Variants in XKR9 observed in about 807,000 individuals in gnomAD.
XKR9 encodes XK-related protein 9.
Under a neutral mutation model 32.0 loss-of-function variants are expected in XKR9, and 32 were observed. The ratio of observed to expected loss-of-function variants is 1.00; its 90% confidence interval spans 0.76 to 1.34. XKR9 has a LOEUF of 1.34. XKR9 is among the 40% of genes most tolerant of loss of function. The pLI, the probability that XKR9 is intolerant of heterozygous loss-of-function variation, is 0.00. For synonymous variants in XKR9, 168 were observed against 143.4 expected (o/e 1.17, Z -1.22); for missense variants, 546 against 429.7 (o/e 1.27, Z -2.39).
the XKR9 span, among the ~76,000 whole-genome samples, chr8:70,800,138 G>A: frequency 6.6e-6 from 1 of 152,092 alleles, no homozygotes; most frequent in African/African-American, 2.4e-5. Flanking sequence ...TCTGTCTTTA[G>A]TTCTGTTTAT....
the XKR9 span, among the ~76,000 whole-genome samples, chr8:70,813,103 C>A: frequency 6.6e-6 from 1 of 152,126 alleles, no homozygotes; most frequent in African/African-American, 2.4e-5. Flanking sequence ...AGATATAGAT[C>A]AATGGAACAG....
the XKR9 span, among the ~76,000 whole-genome samples, chr8:71,052,414 G>A: frequency 2.0e-5 from 3 of 152,082 alleles, no homozygotes; most frequent in Admixed American, 6.5e-5. Flanking sequence ...GTTTTCTGAG[G>A]AACTCTCCTC....
chr8:70,687,903 G>A (rs1471532970), intron 3 of XKR9, among the ~76,000 whole-genome samples: 1 of 152,036 alleles, frequency 6.6e-6, no homozygotes, highest in Non-Finnish European at 1.5e-5. Context: ...ATGTACACTT[G>A]AAACATATGT....
At chr8:70,872,598 A>C in the XKR9 span, among the ~76,000 whole-genome samples, 6 of 152,304 alleles carry the variant, frequency 3.9e-5, no homozygotes, top group South Asian at 1.2e-3. Context: ...ATAAAGGAGA[A>C]ATCAATGCCT....
the XKR9 span, among the ~76,000 whole-genome samples, chr8:71,022,943 G>T: frequency 1.4e-5 from 2 of 146,086 alleles, no homozygotes; most frequent in Non-Finnish European, 1.5e-5. Context: ...TTTCTGCTTT[G>T]TTTTTTTTTA....
chr8:70,808,933 C>G, the XKR9 span, among the ~76,000 whole-genome samples: 4 of 152,344 alleles, frequency 2.6e-5, no homozygotes, highest in South Asian at 8.3e-4. Flanking sequence ...TGTCTGACAG[C>G]TTTGAAGAGA....
intron 3 of XKR9, chr8:70,789,939 C>T (rs1342465079): frequency 6.6e-6 from 1 of 151,906 alleles, no homozygotes; most frequent in African/African-American, 2.4e-5. Flanking sequence ...TTGCATTCAC[C>T]ACCCCAATTT....
the XKR9 span, among the ~76,000 whole-genome samples, chr8:70,808,195 A>G: frequency 6.6e-6 from 1 of 152,214 alleles, no homozygotes; most frequent in East Asian, 1.9e-4. Context: ...TTAAGGCAAC[A>G]ATCAAGAAGT....
chr8:70,676,143 G>A (rs1349048083), intron 2 of XKR9, among the ~76,000 whole-genome samples: 1 of 152,172 alleles, frequency 6.6e-6, no homozygotes, highest in African/African-American at 2.4e-5. Flanking sequence ...AGGTGAAGAG[G>A]AAGCACGTGT....
chr8:70,925,523 A>G, the XKR9 span, among the ~76,000 whole-genome samples: 1 of 152,236 alleles, frequency 6.6e-6, no homozygotes. Context: ...TTACAAACAT[A>G]ACACTTTTAT....
intron 4 of XKR9, among the ~76,000 whole-genome samples, chr8:70,708,695 G>C (rs892541379): frequency 6.6e-6 from 1 of 152,026 alleles, no homozygotes; most frequent in Non-Finnish European, 1.5e-5. Flanking sequence ...CTGGGTGGAG[G>C]AATTATGAAT....
At chr8:70,982,272 C>T in the XKR9 span, among the ~76,000 whole-genome samples, 1 of 152,126 alleles carries the variant, frequency 6.6e-6, no homozygotes, top group Non-Finnish European at 1.5e-5. Context: ...CCTTTGTCTT[C>T]GGCTGCCAGC....
intron 3 of XKR9, among the ~76,000 whole-genome samples, chr8:70,699,411 G>A (rs1586829119): frequency 6.6e-6 from 1 of 152,002 alleles, no homozygotes; most frequent in East Asian, 1.9e-4. Context: ...TTGCTTGTCT[G>A]TAAAGTATTT....
the XKR9 span, among the ~76,000 whole-genome samples, chr8:70,948,672 C>G: frequency 6.6e-6 from 1 of 152,174 alleles, no homozygotes; most frequent in Non-Finnish European, 1.5e-5. Flanking sequence ...CTTTATTCTC[C>G]TGGAAGGAAT....
At chr8:70,755,705 A>G (rs1807212768) in intron 2 of XKR9, among the ~76,000 whole-genome samples, 1 of 144,346 alleles carries the variant, frequency 6.9e-6, no homozygotes, top group African/African-American at 2.5e-5. Context: ...TGGGAATTGA[A>G]TAATGAGAAC....
At chr8:70,929,390 C>T in the XKR9 span, among the ~76,000 whole-genome samples, 1 of 152,180 alleles carries the variant, frequency 6.6e-6, no homozygotes, top group Non-Finnish European at 1.5e-5. Flanking sequence ...TTACTTTTCT[C>T]TTTCTGTATA....
the XKR9 span, among the ~76,000 whole-genome samples, chr8:70,797,998 G>C: frequency 3.3e-5 from 5 of 152,134 alleles, no homozygotes; most frequent in African/African-American, 1.2e-4. Flanking sequence ...ATTGTGAATA[G>C]CACTGCAATG....
the XKR9 span, among the ~76,000 whole-genome samples, chr8:71,002,214 C>T: frequency 2.5e-4 from 38 of 151,948 alleles, no homozygotes; most frequent in Middle Eastern, 3.4e-3. Flanking sequence ...CTATCATGTC[C>T]TAATAGGCTG....
the XKR9 span, among the ~76,000 whole-genome samples, chr8:71,056,880 A>G: frequency 2.0e-5 from 3 of 152,176 alleles, no homozygotes; most frequent in Non-Finnish European, 2.9e-5. Context: ...AATTGAGAGG[A>G]TTTCCCCAAT....
Sources: gnomAD v4.1 joint callset for allele counts (sites outside exome capture counted in the v4.1 genomes callset) on GRCh38, gnomAD v4.1.1 for gene constraint, MANE v1.5 for transcripts, NCBI Gene and HGNC (gene_info 2026-07-23, HGNC 2026-07-21) for gene names.